The following GRM7 variants were observed in gnomAD, a reference collection of about 807,000 sequenced individuals.
The protein encoded by GRM7 is glutamate metabotropic receptor 7, also known as metabotropic glutamate receptor 7.
In GRM7, 35 loss-of-function variants were observed where a neutral mutation model predicts 84.5. That is an observed-to-expected ratio of 0.41 (90% CI 0.32 to 0.55). The LOEUF (loss-of-function observed/expected upper bound fraction) is 0.55, where lower values mean the gene tolerates loss of function less well. Among genes scored for constraint, GRM7 ranks in the 20% least tolerant of loss-of-function variants. GRM7 has a pLI of 0.19. For synonymous variants in GRM7, 487 were observed against 455.1 expected (o/e 1.07, Z -0.89); for missense variants, 1,003 against 1,194.6 (o/e 0.84, Z 2.36).
intron 7 of GRM7, among the ~76,000 whole-genome samples, chr3:7,522,696 G>A (rs556971072): frequency 1.3e-4 from 20 of 152,258 alleles, no homozygotes; most frequent in African/African-American, 3.6e-4. Context: ...TAAGTAACAT[G>A]TCAAGATCAC....
chr3:7,455,654 G>A (rs552783685), intron 6 of GRM7, among the ~76,000 whole-genome samples: 21 of 152,084 alleles, frequency 1.4e-4, no homozygotes, highest in Non-Finnish European at 2.8e-4. Flanking sequence ...AAAGTGTCCA[G>A]GTCATGAGAA....
intron 8 of GRM7, among the ~76,000 whole-genome samples, chr3:7,592,100 A>G (rs1288291851): frequency 2.0e-5 from 3 of 152,182 alleles, no homozygotes; most frequent in African/African-American, 7.2e-5. Context: ...ATGCATATAT[A>G]TATATGTGTG....
intron 2 of GRM7, among the ~76,000 whole-genome samples, chr3:7,291,754 A>G (rs529356473): frequency 1.3e-5 from 2 of 152,076 alleles, no homozygotes; most frequent in Non-Finnish European, 2.9e-5. Context: ...CCACCCTAAA[A>G]CCAGAAATCT....
intron 1 of GRM7, among the ~76,000 whole-genome samples, chr3:6,951,210 G>A (rs546444142): frequency 2.6e-4 from 40 of 152,218 alleles, no homozygotes; most frequent in African/African-American, 8.7e-4. Flanking sequence ...AGAAGTTTAC[G>A]AATGTTATTA....
chr3:7,535,047 G>C (rs1559386382), intron 7 of GRM7, among the ~76,000 whole-genome samples: 2 of 152,114 alleles, frequency 1.3e-5, no homozygotes, highest in African/African-American at 4.8e-5. Flanking sequence ...GGGAGTATCA[G>C]GTGTTACATC....
chr3:7,328,510 C>T (rs1268764788), intron 4 of GRM7, among the ~76,000 whole-genome samples: 2 of 152,132 alleles, frequency 1.3e-5, no homozygotes, highest in Non-Finnish European at 2.9e-5. Context: ...CTTCTCTATA[C>T]CTTACTGGTA....
chr3:7,329,419 G>A (rs1171674139), intron 4 of GRM7, among the ~76,000 whole-genome samples: 2 of 152,124 alleles, frequency 1.3e-5, no homozygotes, highest in Non-Finnish European at 2.9e-5. Context: ...CTGCATTGCC[G>A]GTAATTGAGA....
intron 1 of GRM7, among the ~76,000 whole-genome samples, chr3:7,085,482 G>A (rs968986384): frequency 5.9e-5 from 9 of 152,124 alleles, no homozygotes; most frequent in Admixed American, 5.9e-4. Context: ...AATTGTAGTT[G>A]TATAGCTCTG....
At chr3:6,896,042 T>C (rs933667536) in intron 1 of GRM7, among the ~76,000 whole-genome samples, 3 of 152,156 alleles carry the variant, frequency 2.0e-5, no homozygotes, top group African/African-American at 7.2e-5. Context: ...TCAATGCAAA[T>C]ATTTTCCTAT....
At chr3:7,414,336 G>A (rs17047292) in intron 4 of GRM7, among the ~76,000 whole-genome samples, 98 of 152,236 alleles carry the variant, frequency 6.4e-4, no homozygotes, top group African/African-American at 2.1e-3. Context: ...AAAGAAAATC[G>A]TATAGGTTAA....
intron 1 of GRM7, among the ~76,000 whole-genome samples, chr3:6,958,894 A>G (rs1051628658): frequency 2.6e-5 from 4 of 152,228 alleles, no homozygotes; most frequent in African/African-American, 4.8e-5. Context: ...ATTAATGCAG[A>G]TAAGTGAAAG....
At chr3:6,968,971 C>G (rs1208925680) in intron 1 of GRM7, among the ~76,000 whole-genome samples, 1 of 152,162 alleles carries the variant, frequency 6.6e-6, no homozygotes, top group Non-Finnish European at 1.5e-5. Flanking sequence ...ATGTTGACAA[C>G]TAATTTCATT....
chr3:6,897,934 A>T (rs1192699491), intron 1 of GRM7, among the ~76,000 whole-genome samples: 1 of 152,176 alleles, frequency 6.6e-6, no homozygotes, highest in Non-Finnish European at 1.5e-5. Context: ...TGTGGCCTTA[A>T]GTTGAGGGAT....
At chr3:6,975,058 C>A (rs1401375966) in intron 1 of GRM7, among the ~76,000 whole-genome samples, 1 of 152,052 alleles carries the variant, frequency 6.6e-6, no homozygotes, top group Non-Finnish European at 1.5e-5. Flanking sequence ...GGATAGAATA[C>A]ACAGAGAAGG....
chr3:7,402,178 G>C (rs865988857), intron 4 of GRM7, among the ~76,000 whole-genome samples: 1 of 152,150 alleles, frequency 6.6e-6, no homozygotes, highest in South Asian at 2.1e-4. Context: ...AGCAGTCCTG[G>C]TTGACAGGAA....
At chr3:7,140,302 C>T (rs996197011) in intron 1 of GRM7, among the ~76,000 whole-genome samples, 1 of 151,764 alleles carries the variant, frequency 6.6e-6, no homozygotes, top group African/African-American at 2.4e-5. Flanking sequence ...TTGAGTATTC[C>T]AAGTAAGGGG....
At chr3:7,092,520 C>G (rs1698701737) in intron 1 of GRM7, among the ~76,000 whole-genome samples, 1 of 151,524 alleles carries the variant, frequency 6.6e-6, no homozygotes, top group African/African-American at 2.4e-5. Context: ...CAAATGCTTA[C>G]TGACAGTGAG....
intron 1 of GRM7, among the ~76,000 whole-genome samples, chr3:7,107,078 C>G (rs1574913120): frequency 2.0e-5 from 3 of 152,098 alleles, no homozygotes. Flanking sequence ...GACAGGATAG[C>G]CTGACTTGAG....
At chr3:7,077,866 C>T (rs1209314916) in intron 1 of GRM7, among the ~76,000 whole-genome samples, 1 of 152,022 alleles carries the variant, frequency 6.6e-6, no homozygotes, top group African/African-American at 2.4e-5. Flanking sequence ...ATATATGGCT[C>T]TGGGGATTTA....
Sources: gnomAD v4.1 joint callset for allele counts (sites outside exome capture counted in the v4.1 genomes callset) on GRCh38, gnomAD v4.1.1 for gene constraint, MANE v1.5 for transcripts, NCBI Gene and HGNC (gene_info 2026-07-23, HGNC 2026-07-21) for gene names.